NBEAL1: variants seen among roughly 807,000 people sequenced by gnomAD.
NBEAL1 encodes neurobeachin like 1, also known as neurobeachin-like protein 1.
In NBEAL1, 273 loss-of-function variants were observed where a neutral mutation model predicts 351.3. That is an observed-to-expected ratio of 0.78 (90% CI 0.70 to 0.86). The LOEUF (loss-of-function observed/expected upper bound fraction) is 0.86. Among genes scored for constraint, NBEAL1 ranks in the 40% least tolerant of loss-of-function variants. The pLI, the probability that NBEAL1 is intolerant of heterozygous loss-of-function variation, is 0.00. For missense variants in NBEAL1, 2,961 were observed against 3,201.3 expected (o/e 0.92, Z 1.81); for synonymous variants, 1,050 against 1,086.4 (o/e 0.97, Z 0.66).
intron 27 of NBEAL1, 79 bp downstream of exon 27, chr2:203,133,225 C>A: frequency 5.2e-6 from 3 of 571,468 alleles, no homozygotes; most frequent in South Asian, 3.8e-5. Context: ...TATTTTGCAG[C>A]AGATACAAGT....
chr2:203,184,168 C>T (rs961958170), intron 44 of NBEAL1, among the ~76,000 whole-genome samples: 2 of 151,696 alleles, frequency 1.3e-5, no homozygotes, highest in Admixed American at 1.3e-4. Context: ...CAGTGGCTCA[C>T]GCCTCTAATC....
At chr2:203,185,129 C>G (rs920908858) in intron 44 of NBEAL1, among the ~76,000 whole-genome samples, 5 of 152,058 alleles carry the variant, frequency 3.3e-5, no homozygotes, top group African/African-American at 1.2e-4. Flanking sequence ...GGGCAGACAT[C>G]CTCGCAGAAG....
At chr2:203,164,743 A>G (rs2064079686) in intron 36 of NBEAL1, among the ~76,000 whole-genome samples, 1 of 152,176 alleles carries the variant, frequency 6.6e-6, no homozygotes, top group South Asian at 2.1e-4. Flanking sequence ...ATAAAATTAG[A>G]CTTAGTCATT....
At chr2:203,037,732 G>T (rs1574878098) in intron 2 of NBEAL1, among the ~76,000 whole-genome samples, 1 of 148,772 alleles carries the variant, frequency 6.7e-6, no homozygotes, top group East Asian at 1.9e-4. Context: ...ACTTTGGGAG[G>T]CCAAGGTGGG....
At chr2:203,124,228 G>C (rs1048878889) in intron 19 of NBEAL1, among the ~76,000 whole-genome samples, 3 of 152,176 alleles carry the variant, frequency 2.0e-5, no homozygotes, top group African/African-American at 7.2e-5. Flanking sequence ...AGCTACTTGG[G>C]AGGCTGAGGT....
At chr2:203,019,521 A>G (rs2060733378) in intron 2 of NBEAL1, among the ~76,000 whole-genome samples, 1 of 152,224 alleles carries the variant, frequency 6.6e-6, no homozygotes, top group Non-Finnish European at 1.5e-5. Flanking sequence ...TCTACACAAA[A>G]CATTGTATAC....
rs1389802212 is a variant in NBEAL1, at chr2:203,218,269, A to G, written c.*915A>G. On this transcript the variant is annotated 3_prime_UTR_variant, in exon 56 of 56. Transcript: ENST00000683969. ...TATAACTTAAAATAATCATTTATAT[A>G]TAGTAATTTAAAAATTTCTATTTCA... 3.9e-5 allele frequency: 6 copies of G among 152,204 alleles called. No individual in the cohort carries two copies. Among genetic ancestry groups the G allele is most frequent in the Admixed American group, 2.6e-4 (4 of 15,282 alleles). 9.4% of individuals were successfully genotyped at this position (152,204 alleles called of 1,614,324 possible). A position where few individuals can be genotyped will look rare whatever the true frequency, so the allele number is the denominator to read the frequency against.
chr2:203,149,606 A>C (rs1300798825), intron 34 of NBEAL1, among the ~76,000 whole-genome samples: 1 of 152,182 alleles, frequency 6.6e-6, no homozygotes, highest in Non-Finnish European at 1.5e-5. Context: ...CCATTTTAAA[A>C]TGTACAGTTC....
rs377591240 is a variant in NBEAL1 at position 203,103,960 on chromosome 2, C to T, written c.1270-3460C>T. 5.4e-4 allele frequency among the ~76,000 whole-genome samples: 82 copies of T among 152,134 alleles called. 1 individual carries two copies. The South Asian group carries it at 7.5e-3, about 14-fold the overall frequency. ...TTTCTATTTTTATTGTACTATGGTT[C>T]GAGAGTGTAGTTGGTATGATTTTGG... On this transcript the variant is annotated intron_variant, in intron 12 of 55. Coordinates refer to ENST00000683969, the MANE Select transcript of NBEAL1 (RefSeq NM_001378026.1).
chr2:203,160,077 ATTT>A (rs34866290), intron 36 of NBEAL1, among the ~76,000 whole-genome samples: 19 of 127,500 alleles, frequency 1.5e-4, no homozygotes, highest in African/African-American at 1.5e-4. Flanking sequence ...GCCCCCCGCT[ATTT>A]TTTTTTTTTT....
chr2:203,170,297 G>A (rs1029390767), intron 39 of NBEAL1, among the ~76,000 whole-genome samples: 1 of 152,070 alleles, frequency 6.6e-6, no homozygotes, highest in African/African-American at 2.4e-5. Flanking sequence ...GCTTGAACCG[G>A]GGAGGCGGAG....
At chr2:203,120,708 C>A (rs893414887) in intron 18 of NBEAL1, among the ~76,000 whole-genome samples, 1 of 152,004 alleles carries the variant, frequency 6.6e-6, no homozygotes, top group African/African-American at 2.4e-5. Flanking sequence ...TTATCGGATT[C>A]GCATTTTAGA....
intron 8 of NBEAL1, among the ~76,000 whole-genome samples, chr2:203,082,927 T>C (rs1323096782): frequency 6.6e-6 from 1 of 152,228 alleles, no homozygotes; most frequent in Non-Finnish European, 1.5e-5. Flanking sequence ...TCCTTCCCTT[T>C]TTGTTTATAA....
chr2:203,060,588 A>T (rs923498911), intron 6 of NBEAL1, among the ~76,000 whole-genome samples: 3 of 152,346 alleles, frequency 2.0e-5, no homozygotes, highest in Non-Finnish European at 2.9e-5. Flanking sequence ...TTAATTTTTT[A>T]AAAAACCACT....
chr2:203,159,034 G>A (rs1352405492), intron 36 of NBEAL1, among the ~76,000 whole-genome samples: 2 of 151,772 alleles, frequency 1.3e-5, no homozygotes, highest in Non-Finnish European at 2.9e-5. Context: ...GCCCAGGCTG[G>A]TCTCGAACCT....
chr2:203,068,310 A>G lies in NBEAL1; in HGVS notation c.516-83A>G, dbSNP rs1395329839. The G allele has an allele frequency of 2.4e-5, 15 of 624,606 alleles. No individual in the cohort carries two copies. In the East Asian group the frequency reaches 4.1e-4, roughly 17 times the overall value. 38.7% of individuals were successfully genotyped at this position (624,606 alleles called of 1,614,324 possible). The stretch of plus-strand genomic sequence containing the variant: ...AGACACAAATCAAAAGTAATATTAA[A>G]TTTGTTTTATAATTGTTTTTGTAAT... On this transcript the variant is annotated intron_variant, in intron 6 of 55. Coordinates refer to ENST00000683969, the MANE Select transcript of NBEAL1 (RefSeq NM_001378026.1).
rs188051189 is a variant in NBEAL1 at position 203,193,895 on chromosome 2, A to C, written c.7022A>C (p.Lys2341Thr). The part of the protein sequence containing the change: ...LNLFQHLPEL[K>T]SFFIEGISDG... ...CTGTTTCAACACCTTCCTGAACTCA[A>C]GTCATTTTTTATAGAGGTAATATCC... The change falls in exon 47 of 56, where the codon AAG becomes ACG. Residue 2341 changes from lysine to threonine, a missense_variant. Physicochemically the swap from Lys to Thr is moderately conservative, Grantham distance 78 (BLOSUM62 -1). Coordinates refer to ENST00000683969, the MANE Select transcript of NBEAL1 (RefSeq NM_001378026.1). The C allele has an allele frequency of 3.7e-6, 6 of 1,606,144 alleles. No homozygotes were observed. In the Admixed American group the frequency reaches 1.0e-4, roughly 27 times the overall value.
intron 2 of NBEAL1, among the ~76,000 whole-genome samples, chr2:203,033,091 C>A (rs190969904): frequency 7.4e-4 from 112 of 152,078 alleles, no homozygotes; most frequent in Middle Eastern, 3.4e-3. Context: ...AGCTCTGCCT[C>A]CCAGGTTCAC....
intron 42 of NBEAL1, among the ~76,000 whole-genome samples, chr2:203,175,613 T>C (rs1177126160): frequency 6.6e-6 from 1 of 152,190 alleles, no homozygotes; most frequent in Non-Finnish European, 1.5e-5. Context: ...CCTATGCCTA[T>C]GTAGTCCTAA....
Sources: gnomAD v4.1 joint callset for allele counts (sites outside exome capture counted in the v4.1 genomes callset) on GRCh38, gnomAD v4.1.1 for gene constraint, MANE v1.5 for transcripts, NCBI Gene and HGNC (gene_info 2026-07-23, HGNC 2026-07-21) for gene names.